ZHX2: variants seen among roughly 807,000 people sequenced by gnomAD.
The protein encoded by ZHX2 is zinc fingers and homeoboxes 2.
In ZHX2, 6 loss-of-function variants were observed where a neutral mutation model predicts 21.9. The ratio of observed to expected loss-of-function variants is 0.27; its 90% confidence interval spans 0.15 to 0.54. ZHX2 has a LOEUF of 0.54. ZHX2 is among the 20% of genes least tolerant of loss of function. The probability of loss-of-function intolerance (pLI) is 0.95; values close to 1 mark genes in which losing one functional copy is unlikely to be tolerated. For synonymous variants in ZHX2, 434 were observed against 437.1 expected (o/e 0.99, Z 0.09); for missense variants, 908 against 1,090.7 (o/e 0.83, Z 2.36).
chr8:122,967,519 T>A (rs1813612841), intron 3 of ZHX2, among the ~76,000 whole-genome samples: 1 of 152,184 alleles, frequency 6.6e-6, no homozygotes, highest in Admixed American at 6.5e-5. Context: ...GGTCTCCCAG[T>A]CTTGGATACC....
intron 1 of ZHX2, among the ~76,000 whole-genome samples, chr8:122,797,733 C>G (rs1193988393): frequency 6.6e-6 from 1 of 152,162 alleles, no homozygotes; most frequent in Admixed American, 6.5e-5. Flanking sequence ...AAAAAAATTT[C>G]TTTTGCAGCC....
chr8:122,971,502 G>C (rs1206423646), intron 3 of ZHX2, among the ~76,000 whole-genome samples: 1 of 151,084 alleles, frequency 6.6e-6, no homozygotes, highest in Non-Finnish European at 1.5e-5. Flanking sequence ...GGAGCATCTA[G>C]GGAATGTGGG....
chr8:122,820,153 G>A (rs1220144303), intron 1 of ZHX2, among the ~76,000 whole-genome samples: 1 of 152,172 alleles, frequency 6.6e-6, no homozygotes, highest in African/African-American at 2.4e-5. Flanking sequence ...AACCCAGGGG[G>A]AAAAGCCGGC....
chr8:122,966,176 T>G (rs1250327332), intron 3 of ZHX2, among the ~76,000 whole-genome samples: 1 of 152,220 alleles, frequency 6.6e-6, no homozygotes, highest in East Asian at 1.9e-4. Flanking sequence ...TGTGAGGTAC[T>G]GTTCTATTCA....
chr8:122,928,265 C>T (rs1415247834), intron 2 of ZHX2, among the ~76,000 whole-genome samples: 1 of 152,148 alleles, frequency 6.6e-6, no homozygotes, highest in Non-Finnish European at 1.5e-5. Context: ...GACAACCTTG[C>T]TTTTGAGAAT....
chr8:122,946,732 G>A (rs1173126597), intron 2 of ZHX2, among the ~76,000 whole-genome samples: 1 of 152,046 alleles, frequency 6.6e-6, no homozygotes. Context: ...CAAGCCCTTT[G>A]GCCAATGGGT....
Position 122,952,954 on chromosome 8 carries a change from G to T in ZHX2, c.1444G>T (p.Glu482Ter). The T allele has an allele frequency of 6.2e-7, 1 of 1,614,050 alleles. No individual in the cohort carries two copies. Residue 482 changes from glutamate to a stop codon, truncating the protein, a stop_gained, in exon 3 of 4, where the codon GAG (glutamate) becomes TAG (stop). Transcript: ENST00000314393. LOFTEE classifies it low-confidence loss of function (END_TRUNC). This position sits in a 1 kb window ranked among gnomAD's most constrained non-coding sequence, Gnocchi z 6.9. The stretch of plus-strand genomic sequence containing the variant: ...CGAGGTGACTGGCCTTGCCAGGAGC[G>T]AGATCAAGAAGTGGTTCAGTGACCA... ...LIEVTGLARS[E>*]IKKWFSDHRY...
At chr8:122,925,288 C>T (rs535346700) in intron 2 of ZHX2, among the ~76,000 whole-genome samples, 8 of 152,156 alleles carry the variant, frequency 5.3e-5, no homozygotes, top group Non-Finnish European at 7.4e-5. Context: ...TTGCACTAGA[C>T]GTCAAGAGAT....
At chr8:122,902,785 C>T (rs988497472) in intron 2 of ZHX2, among the ~76,000 whole-genome samples, 4 of 152,168 alleles carry the variant, frequency 2.6e-5, no homozygotes, top group Non-Finnish European at 5.9e-5. Flanking sequence ...ATTGTTATTG[C>T]TATTGTAAAT....
intron 2 of ZHX2, among the ~76,000 whole-genome samples, chr8:122,934,651 T>TTCCTTCCTTCC (rs1307060916): frequency 1.0e-4 from 15 of 149,900 alleles, no homozygotes; most frequent in African/African-American, 2.8e-4. Flanking sequence ...TCCTTCCTTC[T>TTCCTTCCTTCC]TTATTACCTT....
chr8:122,829,125 GAAT>G (rs2130666323), intron 1 of ZHX2, among the ~76,000 whole-genome samples: 2 of 152,298 alleles, frequency 1.3e-5, no homozygotes, highest in Non-Finnish European at 2.9e-5. Flanking sequence ...ATGTGTAGTG[GAAT>G]AACATTTTCT....
intron 1 of ZHX2, among the ~76,000 whole-genome samples, chr8:122,845,046 A>G (rs1341368040): frequency 1.3e-5 from 2 of 152,202 alleles, no homozygotes; most frequent in Non-Finnish European, 2.9e-5. Flanking sequence ...CCTGTGCCCA[A>G]ACACACATAG....
At chr8:122,939,294 G>T (rs963803365) in intron 2 of ZHX2, among the ~76,000 whole-genome samples, 3 of 152,232 alleles carry the variant, frequency 2.0e-5, no homozygotes, top group African/African-American at 4.8e-5. Flanking sequence ...AGACCTCGAA[G>T]GCACGTCTCC....
intron 2 of ZHX2, among the ~76,000 whole-genome samples, chr8:122,936,187 G>T (rs1315955302): frequency 1.3e-5 from 2 of 152,222 alleles, no homozygotes; most frequent in African/African-American, 4.8e-5. Context: ...GATTGCTGGC[G>T]ATGAGTGCCT....
At chr8:122,936,103 A>G (rs770171559) in intron 2 of ZHX2, among the ~76,000 whole-genome samples, 4 of 152,218 alleles carry the variant, frequency 2.6e-5, no homozygotes, top group Non-Finnish European at 5.9e-5. Context: ...AGAAAAAAAC[A>G]ACGATAGATC....
intron 1 of ZHX2, among the ~76,000 whole-genome samples, chr8:122,816,914 T>C (rs1248978405): frequency 1.3e-5 from 2 of 152,156 alleles, no homozygotes; most frequent in African/African-American, 4.8e-5. Flanking sequence ...AGGGTGTATG[T>C]TTGGCAGGTA....
At position 122,953,770 on chromosome 8, in the gene ZHX2, G is replaced by A. The variant is rs983699068; in HGVS notation, c.2260G>A (p.Glu754Lys). Residue 754 changes from glutamate to lysine, a missense_variant, in exon 3 of 4, where the codon GAG (glutamate) becomes AAG (lysine). Transcript: ENST00000314393. The surrounding 1 kb of genome is among the most constrained non-coding windows in gnomAD (Gnocchi z 4.6). ...KLVTRVKVGSEPAKDCLPAKP... is the reference protein window; with the variant it reads ...KLVTRVKVGSKPAKDCLPAKP... ...GGTGACCAGGGTAAAAGTAGGCAGC[G>A]AGCCAGCAAAAGACTGTTTGCCAGC... 8 of 1,614,248 alleles carry A rather than the reference G, an allele frequency of 5.0e-6. No individual in the cohort carries two copies. The highest frequency in any genetic ancestry group is 2.2e-5 in the East Asian group (1 of 44,884).
intron 2 of ZHX2, among the ~76,000 whole-genome samples, chr8:122,932,437 G>A (rs1821017020): frequency 6.6e-6 from 1 of 152,144 alleles, no homozygotes; most frequent in Non-Finnish European, 1.5e-5. Context: ...TCCGGCCTCT[G>A]GTGTCCACCT....
At chr8:122,887,495 G>C (rs1271917583) in intron 2 of ZHX2, among the ~76,000 whole-genome samples, 1 of 152,102 alleles carries the variant, frequency 6.6e-6, no homozygotes, top group Non-Finnish European at 1.5e-5. Flanking sequence ...TCCAGCCTGG[G>C]TGACAGAGCG....
Sources: gnomAD v4.1 joint callset for allele counts (sites outside exome capture counted in the v4.1 genomes callset) on GRCh38, gnomAD v4.1.1 for gene constraint, Gnocchi (gnomAD v3.1) non-coding constraint, MANE v1.5 for transcripts, NCBI Gene and HGNC (gene_info 2026-07-23, HGNC 2026-07-21) for gene names.